Variants in GPATCH2 observed in about 807,000 individuals in gnomAD.
GPATCH2 encodes G patch domain-containing protein 2.
Under a neutral mutation model 58.0 loss-of-function variants are expected in GPATCH2, and 51 were observed. The ratio of observed to expected loss-of-function variants is 0.88; its 90% CI spans 0.70 to 1.11. GPATCH2 has a LOEUF of 1.11. Ranked by LOEUF, GPATCH2 falls within the 50% of genes most tolerant of loss-of-function variation. The pLI is 0.00. For missense variants in GPATCH2, 625 were observed against 652.2 expected (o/e 0.96, Z 0.45); for synonymous variants, 222 against 218.5 (o/e 1.02, Z -0.14).
intron 5 of GPATCH2, among the ~76,000 whole-genome samples, chr1:217,574,322 T>C (rs1011436123): frequency 2.0e-5 from 3 of 152,136 alleles, no homozygotes; most frequent in African/African-American, 7.2e-5. Context: ...AAAGCTGCCG[T>C]GGAAATTTAG....
At chr1:217,476,991 A>T (rs1366581855) in intron 8 of GPATCH2, among the ~76,000 whole-genome samples, 1 of 151,990 alleles carries the variant, frequency 6.6e-6, no homozygotes, top group African/African-American at 2.4e-5. Context: ...TCTGGAGGAG[A>T]TGAGAGGGAA....
At chr1:217,620,618 A>T in intron 1 of GPATCH2, 119 bp from the exon 2 acceptor site, 1 of 646,108 alleles carries the variant, frequency 1.5e-6, no homozygotes, top group Non-Finnish European at 2.7e-6. Context: ...AAATGTTTCA[A>T]AGCTAATTTT....
At chr1:217,468,834 T>C (rs565263768) in intron 8 of GPATCH2, among the ~76,000 whole-genome samples, 144 of 152,240 alleles carry the variant, frequency 9.5e-4, no homozygotes, top group African/African-American at 3.3e-3. Context: ...TTGCCACACG[T>C]TGATAATTAT....
At chr1:217,452,663 C>T (rs1256338693) in intron 8 of GPATCH2, among the ~76,000 whole-genome samples, 2 of 152,176 alleles carry the variant, frequency 1.3e-5, no homozygotes, top group Non-Finnish European at 2.9e-5. Context: ...CCAACTCCCT[C>T]TTCTAAACCT....
intron 5 of GPATCH2, among the ~76,000 whole-genome samples, chr1:217,585,803 C>T (rs1450599052): frequency 6.6e-6 from 1 of 152,102 alleles, no homozygotes; most frequent in African/African-American, 2.4e-5. Context: ...CACAGTCACA[C>T]ACAAACATCG....
intron 5 of GPATCH2, among the ~76,000 whole-genome samples, chr1:217,570,513 C>T (rs1388703158): frequency 6.6e-6 from 1 of 152,138 alleles, no homozygotes; most frequent in Non-Finnish European, 1.5e-5. Context: ...TATCTTGCGG[C>T]CCAAGACAGA....
intron 5 of GPATCH2, among the ~76,000 whole-genome samples, chr1:217,580,796 C>T (rs1667042429): frequency 2.5e-5 from 1 of 39,400 alleles, no homozygotes; most frequent in African/African-American, 7.4e-5. Flanking sequence ...ATCATGAGGT[C>T]AGGAGATCGA....
At chr1:217,516,192 T>G (rs1376753120) in intron 5 of GPATCH2, among the ~76,000 whole-genome samples, 1 of 149,652 alleles carries the variant, frequency 6.7e-6, no homozygotes, top group African/African-American at 2.5e-5. Context: ...AGGCATACAT[T>G]TACAGCAAAA....
At chr1:217,554,391 T>C (rs1665519138) in intron 5 of GPATCH2, among the ~76,000 whole-genome samples, 1 of 152,178 alleles carries the variant, frequency 6.6e-6, no homozygotes, top group Admixed American at 6.6e-5. Context: ...GCCCTATCTG[T>C]ACTTGAGCAT....
At chr1:217,517,700 CAT>C (rs970470036) in intron 5 of GPATCH2, among the ~76,000 whole-genome samples, 73 of 152,030 alleles carry the variant, frequency 4.8e-4, no homozygotes, top group African/African-American at 1.7e-3. Context: ...TAATTTCTAG[CAT>C]ATAATTAAGT....
In GPATCH2 at chr1:217,491,678, A is replaced by G. The variant is rs921091481; in HGVS notation, c.1277+2T>C. The G allele has an allele frequency of 1.4e-6, 2 of 1,414,826 alleles. No homozygotes were observed. The highest frequency in any genetic ancestry group is 2.0e-6 in the Non-Finnish European group (2 of 1,011,004). 87.6% of individuals were successfully genotyped at this position (1,414,826 alleles called of 1,614,324 possible). On this transcript the variant is annotated splice_donor_variant, in intron 8 of 9. Coordinates refer to ENST00000366935, the MANE Select transcript of GPATCH2 (RefSeq NM_018040.5). LOFTEE classifies it high-confidence loss of function. ...AATAAAAAGCGATTTTGAATTGCTT[A>G]CCTGCTGGCTGTTCTCACAGAACAA...
At chr1:217,503,307 GTA>G (rs1295637412) in intron 6 of GPATCH2, among the ~76,000 whole-genome samples, 3 of 152,090 alleles carry the variant, frequency 2.0e-5, no homozygotes, top group African/African-American at 7.2e-5. Flanking sequence ...GAAATCAGGA[GTA>G]TAATATCATG....
intron 9 of GPATCH2, among the ~76,000 whole-genome samples, chr1:217,445,631 G>A: frequency 6.6e-6 from 1 of 151,956 alleles, no homozygotes; most frequent in East Asian, 1.9e-4. Flanking sequence ...ATGACGCAGA[G>A]AACAAGCTAT....
intron 9 of GPATCH2, among the ~76,000 whole-genome samples, chr1:217,444,420 T>A (rs1332730593): frequency 6.6e-6 from 1 of 152,220 alleles, no homozygotes; most frequent in African/African-American, 2.4e-5. Context: ...TCCTGTAGTC[T>A]CAGCTATCTT....
intron 5 of GPATCH2, chr1:217,608,654 A>G (rs1264559444): frequency 1.0e-6 from 1 of 984,636 alleles, no homozygotes. Flanking sequence ...TTCATGATTG[A>G]TAAGGCAAAG....
intron 5 of GPATCH2, among the ~76,000 whole-genome samples, chr1:217,541,147 C>A (rs1050309980): frequency 1.3e-5 from 2 of 152,120 alleles, no homozygotes; most frequent in Admixed American, 6.5e-5. Context: ...TCCGTGAGCT[C>A]CTTTTGACAG....
chr1:217,521,307 C>A lies in GPATCH2; in HGVS notation c.1099-6418G>T, dbSNP rs148831533. Reference sequence around the variant, plus strand: ...GGAATGGAATTAAGCTAACTTTGAACCAAAATTGTCCAATTTACCACCTAG... The same window carrying A: ...GGAATGGAATTAAGCTAACTTTGAAACAAAATTGTCCAATTTACCACCTAG... On this transcript the variant is annotated intron_variant, in intron 5 of 9. Transcript: ENST00000366935. 2.3e-3 allele frequency among the ~76,000 whole-genome samples: 312 copies of A among 138,478 alleles called. 2 individuals are homozygous for A. Among genetic ancestry groups the A allele is most frequent in the Middle Eastern group, 8.2e-3 (2 of 244 alleles). The allele number at this position is 138,478 out of a possible 152,430, so 90.8% of individuals were successfully genotyped here. A position where few individuals can be genotyped will look rare whatever the true frequency, so the allele number is the denominator to read the frequency against.
chr1:217,493,724 GC>G (rs1173830744), intron 7 of GPATCH2, among the ~76,000 whole-genome samples: 3 of 151,962 alleles, frequency 2.0e-5, no homozygotes, highest in African/African-American at 7.3e-5. Flanking sequence ...AATTACTTTG[GC>G]ATTTCTAAGT....
intron 7 of GPATCH2, 59 bp from the exon 8 acceptor site, chr1:217,491,809 G>C: frequency 1.6e-6 from 1 of 644,896 alleles, no homozygotes; most frequent in Non-Finnish European, 2.7e-6. Context: ...ATATTATTTT[G>C]CAAGTAGGAA....
Sources: gnomAD v4.1 joint callset for allele counts (sites outside exome capture counted in the v4.1 genomes callset) on GRCh38, gnomAD v4.1.1 for gene constraint, MANE v1.5 for transcripts, NCBI Gene and HGNC (gene_info 2026-07-23, HGNC 2026-07-21) for gene names.